ROBO2: variants seen among roughly 807,000 people sequenced by gnomAD.
ROBO2 encodes roundabout guidance receptor 2, also known as roundabout homolog 2.
ROBO2 carries 53 observed loss-of-function variants against 160.8 expected under a neutral mutation model. The observed-to-expected ratio is 0.33, with a 90% CI of 0.26 to 0.41. The LOEUF (loss-of-function observed/expected upper bound fraction) is 0.41, where lower values mean the gene tolerates loss of function less well. Among genes scored for constraint, ROBO2 ranks in the 10% least tolerant of loss-of-function variants. The pLI is 1.00. For missense variants in ROBO2, 1,577 were observed against 1,722.4 expected (o/e 0.92, Z 1.49); for synonymous variants, 664 against 611.7 (o/e 1.09, Z -1.26).
intron 2 of ROBO2, among the ~76,000 whole-genome samples, chr3:76,261,246 A>G (rs1706741611): frequency 6.7e-6 from 1 of 149,398 alleles, no homozygotes; most frequent in Admixed American, 6.7e-5. Flanking sequence ...TTCTAATATA[A>G]AGAGAGCTCT....
intron 2 of ROBO2, among the ~76,000 whole-genome samples, chr3:76,382,543 C>T (rs1356756599): frequency 6.6e-6 from 1 of 152,174 alleles, no homozygotes; most frequent in Non-Finnish European, 1.5e-5. Flanking sequence ...GCCGAGATCG[C>T]GCCCCTGCAC....
chr3:77,260,808 G>A (rs2058725929), intron 2 of ROBO2, among the ~76,000 whole-genome samples: 1 of 152,130 alleles, frequency 6.6e-6, no homozygotes, highest in African/African-American at 2.4e-5. Context: ...ATGATTGTGC[G>A]ACGTCCCTAT....
chr3:76,882,969 G>A (rs149704284), intron 2 of ROBO2, among the ~76,000 whole-genome samples: 86 of 152,180 alleles, frequency 5.7e-4, no homozygotes, highest in Admixed American at 3.1e-3. Flanking sequence ...GTATGTTAGC[G>A]TTACTTGTAT....
intron 2 of ROBO2, among the ~76,000 whole-genome samples, chr3:76,567,654 C>CATATACATAT (rs1259065851): frequency 4.8e-5 from 2 of 41,638 alleles, no homozygotes; most frequent in African/African-American, 8.1e-5. Context: ...TATATATATA[C>CATATACATAT]ACATACACAT....
At chr3:76,449,204 T>C (rs2077349280) in intron 2 of ROBO2, among the ~76,000 whole-genome samples, 1 of 152,144 alleles carries the variant, frequency 6.6e-6, no homozygotes, top group African/African-American at 2.4e-5. Context: ...ATAAATGTTA[T>C]ACAGTACATG....
intron 2 of ROBO2, among the ~76,000 whole-genome samples, chr3:76,994,821 A>T (rs2060895489): frequency 6.6e-6 from 1 of 152,240 alleles, no homozygotes; most frequent in African/African-American, 2.4e-5. Flanking sequence ...CATTTCACCA[A>T]CAACTAAATG....
intron 2 of ROBO2, among the ~76,000 whole-genome samples, chr3:77,291,862 C>T (rs57127365): frequency 4.6e-3 from 689 of 149,978 alleles, no homozygotes; most frequent in African/African-American, 0.016. Flanking sequence ...TAGATCACCC[C>T]AGACATAAAG....
intron 2 of ROBO2, among the ~76,000 whole-genome samples, chr3:77,456,609 C>A (rs2081666033): frequency 6.6e-6 from 1 of 152,146 alleles, no homozygotes; most frequent in Non-Finnish European, 1.5e-5. Flanking sequence ...TTCTGAAGTG[C>A]CAAGGCAGCC....
chr3:76,090,459 A>G (rs1411659277), intron 2 of ROBO2, among the ~76,000 whole-genome samples: 1 of 152,114 alleles, frequency 6.6e-6, no homozygotes, highest in East Asian at 1.9e-4. Flanking sequence ...AAAGCTAAAT[A>G]AATGAGGCTA....
rs2087797099 is a variant in ROBO2, at chr3:76,608,067, CT to C, written c.110-489946del. Among the ~76,000 whole-genome samples the C allele has an allele frequency of 2.0e-5, 3 of 152,294 alleles. 1 individual carries two copies. Among genetic ancestry groups the C allele is most frequent in the Admixed American group, 6.5e-5 (1 of 15,304 alleles). ...AAACAAAACCCTCTGCTTACAAATC[CT>C]CCATAAAGTTTTACAGTCTTCTGGA... is the stretch of plus-strand genomic sequence containing the variant. On this transcript the variant is annotated intron_variant, in intron 2 of 26. Coordinates refer to the ROBO2 transcript ENST00000487694.
chr3:76,999,782 C>T lies in ROBO2; in HGVS notation c.110-98232C>T, dbSNP rs187271592. Reference sequence around the variant, plus strand: ...GAGGCTCCTAAGGCAGGCCTTATTCCGCCGTGCTGATTTTCATCTTTGTAA... The same window carrying T: ...GAGGCTCCTAAGGCAGGCCTTATTCTGCCGTGCTGATTTTCATCTTTGTAA... On this transcript the variant is annotated intron_variant, in intron 2 of 26. Coordinates refer to the ROBO2 transcript ENST00000487694. 1.5e-3 allele frequency among the ~76,000 whole-genome samples: 235 copies of T among 152,194 alleles called. 1 individual carries two copies. The highest frequency in any genetic ancestry group is 5.0e-3 in the African/African-American group (207 of 41,552).
At chr3:76,469,839 C>T (rs1170328369) in intron 2 of ROBO2, among the ~76,000 whole-genome samples, 4 of 152,220 alleles carry the variant, frequency 2.6e-5, no homozygotes, top group Non-Finnish European at 5.9e-5. Context: ...TAAATTTTGT[C>T]TTCTCTCACT....
At chr3:77,625,216 T>C (rs907393326) in intron 23 of ROBO2, among the ~76,000 whole-genome samples, 2 of 152,178 alleles carry the variant, frequency 1.3e-5, no homozygotes, top group Non-Finnish European at 2.9e-5. Context: ...CTGGATAATA[T>C]GTATATTTGC....
chr3:76,567,654 C>CTATATATAT (rs2084646364), intron 2 of ROBO2, among the ~76,000 whole-genome samples: 1 of 41,638 alleles, frequency 2.4e-5, no homozygotes, highest in South Asian at 1.1e-3. Context: ...TATATATATA[C>CTATATATAT]ACATACACAT....
intron 2 of ROBO2, among the ~76,000 whole-genome samples, chr3:76,755,687 T>C (rs1466017054): frequency 6.6e-6 from 1 of 151,876 alleles, no homozygotes; most frequent in East Asian, 1.9e-4. Context: ...CATAAAGCAT[T>C]TATAATAATA....
intron 2 of ROBO2, among the ~76,000 whole-genome samples, chr3:76,160,418 G>C (rs771254674): frequency 7.3e-5 from 11 of 150,792 alleles, no homozygotes; most frequent in Non-Finnish European, 1.6e-4. Context: ...AAGTAATTGA[G>C]ATTTCTATGA....
At chr3:77,124,689 A>G (rs560868430) in intron 2 of ROBO2, among the ~76,000 whole-genome samples, 1 of 152,266 alleles carries the variant, frequency 6.6e-6, no homozygotes, top group Admixed American at 6.5e-5. Context: ...GGCTTCAGAA[A>G]TAGTAGTGCA....
In ROBO2 at chr3:77,042,152, G is replaced by C. The variant is rs577275680; in HGVS notation, c.61+1306G>C. On this transcript the variant is annotated intron_variant, in intron 1 of 25. Coordinates refer to ENST00000461745, the Ensembl canonical transcript of ROBO2. ...TACATGAGTACCTTTGCCCCCCAGC[G>C]ATAGTGAGGGAGGGATGCGTGTGTG... Among the ~76,000 whole-genome samples the C allele has an allele frequency of 1.6e-4, 24 of 152,298 alleles. 1 individual carries two copies. In the East Asian group the frequency reaches 4.4e-3, roughly 28 times the overall value.
chr3:77,200,520 ATATT>A (rs2082808204), intron 2 of ROBO2, among the ~76,000 whole-genome samples: 1 of 151,724 alleles, frequency 6.6e-6, no homozygotes, highest in Non-Finnish European at 1.5e-5. Flanking sequence ...TCCAAAAACA[ATATT>A]TATATTGTGT....
Sources: allele counts gnomAD v4.1 joint callset (sites outside exome capture counted in the v4.1 genomes callset), GRCh38; gene constraint gnomAD v4.1.1; transcripts MANE v1.5; gene names NCBI Gene and HGNC (gene_info 2026-07-23, HGNC 2026-07-21).